RERE: variants seen among roughly 807,000 people sequenced by gnomAD.
RERE encodes the protein arginine-glutamic acid dipeptide repeats protein.
A neutral mutation model predicts 146.1 loss-of-function variants in RERE; 40 were observed. That is an observed-to-expected ratio of 0.27 (90% CI 0.21 to 0.36). The LOEUF (loss-of-function observed/expected upper bound fraction) is 0.36, where lower values mean the gene tolerates loss of function less well. Ranked by LOEUF, RERE falls within the 10% of genes least tolerant of loss-of-function variation. The probability of loss-of-function intolerance (pLI) is 1.00; values close to 1 mark genes in which losing one functional copy is unlikely to be tolerated. For missense variants in RERE, 1,933 were observed against 2,138.7 expected (o/e 0.90, Z 1.90); for synonymous variants, 1,003 against 866.0 (o/e 1.16, Z -2.78).
chr1:8,641,381 A>T (rs1165910803), intron 2 of RERE, among the ~76,000 whole-genome samples: 1 of 152,200 alleles, frequency 6.6e-6, no homozygotes, highest in Non-Finnish European at 1.5e-5. Context: ...AACATTTAAC[A>T]ATTAATTGAG....
chr1:8,595,274 T>C (rs1292703078), intron 4 of RERE, among the ~76,000 whole-genome samples: 1 of 151,422 alleles, frequency 6.6e-6, no homozygotes, highest in Admixed American at 6.6e-5. Context: ...TTTTATTTCA[T>C]CTGAAAAAAA....
chr1:8,540,588 C>T lies in RERE; in HGVS notation c.830+626G>A, dbSNP rs149295713. Among the ~76,000 whole-genome samples, 26 of 152,282 alleles carry T rather than the reference C, an allele frequency of 1.7e-4. No homozygotes were observed. In the East Asian group the frequency reaches 4.8e-3, roughly 28 times the overall value. On this transcript the variant is annotated intron_variant, in intron 7 of 22. Coordinates refer to ENST00000400908, the MANE Select transcript of RERE (RefSeq NM_001042681.2). ...ATATACACTCATAAAAATTCTTCCA[C>T]GTGCTACATTAAAGTAGCATCTATG...
chr1:8,413,467 C>T (rs555746342), intron 12 of RERE, among the ~76,000 whole-genome samples: 3 of 152,160 alleles, frequency 2.0e-5, no homozygotes, highest in East Asian at 3.9e-4. Context: ...CTCAGCCTCC[C>T]GAGTAGCTGT....
At chr1:8,667,772 T>G (rs570734585) in intron 1 of RERE, among the ~76,000 whole-genome samples, 1 of 152,374 alleles carries the variant, frequency 6.6e-6, no homozygotes, top group Admixed American at 6.5e-5. Context: ...TCCAATTATA[T>G]ACAGTTAGCT....
At chr1:8,611,001 C>T (rs1256708610) in intron 4 of RERE, among the ~76,000 whole-genome samples, 11 of 151,548 alleles carry the variant, frequency 7.3e-5, no homozygotes, top group African/African-American at 2.4e-4. Context: ...AAGATCATAC[C>T]GGCTAACACA....
At chr1:8,691,902 C>A (rs1639215411) in intron 1 of RERE, among the ~76,000 whole-genome samples, 1 of 152,148 alleles carries the variant, frequency 6.6e-6, no homozygotes, top group Non-Finnish European at 1.5e-5. Flanking sequence ...GTGCACAGTA[C>A]CTGTTGCATA....
chr1:8,408,147 G>A (rs1643504723), intron 12 of RERE, among the ~76,000 whole-genome samples: 1 of 152,072 alleles, frequency 6.6e-6, no homozygotes. Flanking sequence ...GACTCTACTA[G>A]GTTGAAGCAG....
intron 2 of RERE, among the ~76,000 whole-genome samples, chr1:8,637,945 A>T (rs1647122474): frequency 6.6e-6 from 1 of 152,242 alleles, no homozygotes; most frequent in African/African-American, 2.4e-5. Context: ...GATATTCATC[A>T]CTGCTGTTTA....
chr1:8,586,261 T>C (rs1217146231), intron 4 of RERE, among the ~76,000 whole-genome samples: 1 of 152,220 alleles, frequency 6.6e-6, no homozygotes, highest in Non-Finnish European at 1.5e-5. Context: ...TACAGACATC[T>C]ACACCTGGGT....
chr1:8,357,709 GC>G (rs1641351993), intron 20 of RERE, among the ~76,000 whole-genome samples: 1 of 152,244 alleles, frequency 6.6e-6, no homozygotes, highest in Non-Finnish European at 1.5e-5. Flanking sequence ...ACAGGACTGA[GC>G]AGCCCTGGCC....
At chr1:8,595,784 A>G (rs956551760) in intron 4 of RERE, among the ~76,000 whole-genome samples, 1 of 152,238 alleles carries the variant, frequency 6.6e-6, no homozygotes, top group African/African-American at 2.4e-5. Flanking sequence ...ATGTATTGGT[A>G]GAGATATAGA....
chr1:8,808,239 T>G (rs1641727431), intron 1 of RERE, among the ~76,000 whole-genome samples: 1 of 152,050 alleles, frequency 6.6e-6, no homozygotes, highest in Non-Finnish European at 1.5e-5. Flanking sequence ...AACTGTACTA[T>G]TACTCTATTC....
intron 7 of RERE, among the ~76,000 whole-genome samples, chr1:8,518,553 A>C (rs1375949979): frequency 2.0e-5 from 3 of 152,246 alleles, no homozygotes; most frequent in African/African-American, 2.4e-5. Flanking sequence ...CCACAGAAGA[A>C]GTCTGTGGGT....
rs58064164 is a variant in RERE at position 8,516,227 on chromosome 1, G to GAAAAAAAAAAAAAAAAAAAAAAA, written c.831-7553_831-7552insTTTTTTTTTTTTTTTTTTTTTTT. Among the ~76,000 whole-genome samples the GAAAAAAAAAAAAAAAAAAAAAAA allele has an allele frequency of 5.5e-4, 29 of 52,300 alleles. 2 individuals carry two copies. The highest frequency in any genetic ancestry group is 1.1e-3 in the East Asian group (2 of 1,886). The allele number at this position is 52,300 out of a possible 152,430, so 34.3% of individuals were successfully genotyped here. ...GGGACGGAGCAAGACTCTCTCAGAG[G>GAAAAAAAAAAAAAAAAAAAAAAA]AAAAAAAAAAAAAAAAAAAAAATCT... On this transcript the variant is annotated intron_variant, in intron 7 of 22. Transcript: ENST00000400908.
intron 1 of RERE, among the ~76,000 whole-genome samples, chr1:8,777,142 G>A (rs1366093680): frequency 1.3e-5 from 2 of 152,186 alleles, no homozygotes; most frequent in Non-Finnish European, 2.9e-5. Flanking sequence ...GGAGCTCTAA[G>A]TAGAACACGA....
At chr1:8,532,498 G>T (rs536781595) in intron 7 of RERE, among the ~76,000 whole-genome samples, 2 of 152,114 alleles carry the variant, frequency 1.3e-5, no homozygotes, top group Non-Finnish European at 2.9e-5. Flanking sequence ...TTGGATCACT[G>T]CAACCTCCAC....
chr1:8,616,330 C>T (rs1212225612), intron 3 of RERE, among the ~76,000 whole-genome samples: 1 of 152,060 alleles, frequency 6.6e-6, no homozygotes, highest in Non-Finnish European at 1.5e-5. Flanking sequence ...TTCTCACATA[C>T]GAAATGAGAA....
At chr1:8,600,355 C>T (rs1646606715) in intron 4 of RERE, among the ~76,000 whole-genome samples, 1 of 152,200 alleles carries the variant, frequency 6.6e-6, no homozygotes, top group Non-Finnish European at 1.5e-5. Context: ...CTATCAATTA[C>T]CATTTGCCAG....
At chr1:8,458,590 T>G (rs1026908341) in intron 11 of RERE, among the ~76,000 whole-genome samples, 1 of 150,008 alleles carries the variant, frequency 6.7e-6, no homozygotes, top group Admixed American at 6.7e-5. Flanking sequence ...CACACACATA[T>G]ACATACACAC....
Sources: gnomAD v4.1 joint callset for allele counts (sites outside exome capture counted in the v4.1 genomes callset) on GRCh38, gnomAD v4.1.1 for gene constraint, MANE v1.5 for transcripts, NCBI Gene and HGNC (gene_info 2026-07-23, HGNC 2026-07-21) for gene names.